The following CTTNBP2 variants were observed in gnomAD, a reference collection of about 807,000 sequenced individuals.
The protein encoded by CTTNBP2 is cortactin binding protein 2, also known as cortactin-binding protein 2.
Under a neutral mutation model 156.9 loss-of-function variants are expected in CTTNBP2, and 108 were observed. The ratio of observed to expected loss-of-function variants is 0.69; its 90% CI spans 0.59 to 0.81. The LOEUF (loss-of-function observed/expected upper bound fraction) is 0.81. Ranked by LOEUF, CTTNBP2 falls within the 30% of genes least tolerant of loss-of-function variation. The probability of loss-of-function intolerance (pLI) is 0.00; values close to 1 mark genes in which losing one functional copy is unlikely to be tolerated. For synonymous variants in CTTNBP2, 767 were observed against 751.8 expected (o/e 1.02, Z -0.33); for missense variants, 1,924 against 2,035.4 (o/e 0.95, Z 1.05).
chr7:117,808,844 CTT>C (rs1563028605), intron 3 of CTTNBP2, among the ~76,000 whole-genome samples: 2 of 152,086 alleles, frequency 1.3e-5, no homozygotes, highest in Non-Finnish European at 2.9e-5. Flanking sequence ...AAAGAGATGA[CTT>C]TGGTGTTTCT....
rs145314477 is a variant in CTTNBP2, at chr7:117,762,112, A to G, written c.2897-1402T>C. 9.3e-3 allele frequency among the ~76,000 whole-genome samples: 1,414 copies of G among 152,084 alleles called. 11 individuals are homozygous for G. The highest frequency in any genetic ancestry group is 0.017 in the Admixed American group (260 of 15,280). On this transcript the variant is annotated intron_variant, in intron 9 of 22. Transcript: ENST00000160373. ...TCCACCTTTTCCAGACTTCTTAATGATAGTGTGTTTTGGGGCTCCTTTCTC... is the reference window on the plus strand; with the variant it reads ...TCCACCTTTTCCAGACTTCTTAATGGTAGTGTGTTTTGGGGCTCCTTTCTC...
intron 3 of CTTNBP2, among the ~76,000 whole-genome samples, chr7:117,801,487 C>G (rs572868944): frequency 3.9e-5 from 6 of 152,288 alleles, no homozygotes; most frequent in African/African-American, 1.4e-4. Flanking sequence ...AACGCAATGC[C>G]TGATCTTGAA....
chr7:117,868,087 C>T (rs1203977720), intron 1 of CTTNBP2, among the ~76,000 whole-genome samples: 2 of 152,170 alleles, frequency 1.3e-5, no homozygotes, highest in African/African-American at 4.8e-5. Context: ...AAAAGGACTA[C>T]ATCTCAAATA....
At chr7:117,851,418 G>A (rs1405992643) in intron 2 of CTTNBP2, among the ~76,000 whole-genome samples, 1 of 151,966 alleles carries the variant, frequency 6.6e-6, no homozygotes, top group African/African-American at 2.4e-5. Flanking sequence ...TACATTTAGA[G>A]CCATCACCCA....
intron 8 of CTTNBP2, among the ~76,000 whole-genome samples, chr7:117,777,159 T>C (rs755144180): frequency 2.6e-5 from 4 of 152,204 alleles, no homozygotes; most frequent in Admixed American, 6.5e-5. Flanking sequence ...GTGTGAATCC[T>C]GACCCTGCCT....
At chr7:117,869,479 C>T (rs1162362639) in intron 1 of CTTNBP2, among the ~76,000 whole-genome samples, 2 of 152,202 alleles carry the variant, frequency 1.3e-5, no homozygotes, top group African/African-American at 2.4e-5. Context: ...TTACAAACTT[C>T]ACACAACTCT....
intron 14 of CTTNBP2, among the ~76,000 whole-genome samples, chr7:117,743,835 A>G (rs972666867): frequency 1.6e-4 from 24 of 151,560 alleles, no homozygotes; most frequent in African/African-American, 4.6e-4. Context: ...GTTAGCTACA[A>G]TTAGTAACAT....
chr7:117,864,688 T>G (rs149864664), intron 1 of CTTNBP2, among the ~76,000 whole-genome samples: 152 of 83,998 alleles, frequency 1.8e-3, no homozygotes, highest in South Asian at 4.1e-3. Context: ...TTATATATAT[T>G]CATATATATT....
intron 14 of CTTNBP2, among the ~76,000 whole-genome samples, chr7:117,742,443 G>A (rs182275724): frequency 2.9e-4 from 44 of 152,288 alleles, no homozygotes; most frequent in African/African-American, 1.1e-3. Context: ...AGAATAGAAG[G>A]CCTTGAACAG....
In CTTNBP2 at chr7:117,839,953, AT is replaced by A. The variant is rs1372246921; in HGVS notation, c.189+21255del. On this transcript the variant is annotated intron_variant, in intron 2 of 22. Coordinates refer to ENST00000160373, the MANE Select transcript of CTTNBP2 (RefSeq NM_033427.3). ...ACATAAATATCTAAAGACTGAAATT[AT>A]TTTCCTGATTTTGAAAGATTCACTA... 3.3e-5 allele frequency among the ~76,000 whole-genome samples: 5 copies of A among 152,308 alleles called. No individual in the cohort carries two copies. In the East Asian group the frequency reaches 9.6e-4, roughly 29 times the overall value.
At chr7:117,778,257 A>C (rs1224441282) in intron 7 of CTTNBP2, among the ~76,000 whole-genome samples, 1 of 152,162 alleles carries the variant, frequency 6.6e-6, no homozygotes, top group African/African-American at 2.4e-5. Flanking sequence ...AAAGATCCTA[A>C]ATAATAGGGA....
chr7:117,767,031 T>TAG (rs1562986297), intron 9 of CTTNBP2, 28 bp downstream of exon 9: 1 of 1,224,154 alleles, frequency 8.2e-7, no homozygotes, highest in African/African-American at 1.5e-5. Context: ...AGGGGAAAGA[T>TAG]AAACAATAAG....
At chr7:117,741,339 C>T (rs10278481) in intron 14 of CTTNBP2, among the ~76,000 whole-genome samples, 38,969 of 151,996 alleles carry the variant, frequency 0.26, 5,449 homozygotes, top group African/African-American at 0.32. Flanking sequence ...GCAGTCAAGG[C>T]CTTAGCAGAT....
At chr7:117,736,871 C>T (rs2116498941) in intron 14 of CTTNBP2, among the ~76,000 whole-genome samples, 1 of 152,254 alleles carries the variant, frequency 6.6e-6, no homozygotes, top group Non-Finnish European at 1.5e-5. Flanking sequence ...TGAAAAGAAA[C>T]CAGTTTAGGA....
intron 20 of CTTNBP2, 58 bp downstream of exon 20, chr7:117,721,002 ATAGTAAT>A: frequency 1.0e-6 from 1 of 1,001,784 alleles, no homozygotes; most frequent in Non-Finnish European, 1.6e-6. Context: ...AACATTTAAA[ATAGTAAT>A]TGAAGTTACT....
chr7:117,776,375 T>C (rs1383512993), intron 8 of CTTNBP2, among the ~76,000 whole-genome samples: 1 of 152,234 alleles, frequency 6.6e-6, no homozygotes, highest in Admixed American at 6.5e-5. Flanking sequence ...GTTGATTATT[T>C]TGTTCCTTTG....
chr7:117,823,533 C>T (rs574312708), intron 2 of CTTNBP2, among the ~76,000 whole-genome samples: 6 of 152,254 alleles, frequency 3.9e-5, no homozygotes, highest in African/African-American at 1.4e-4. Flanking sequence ...AATAAAATTG[C>T]TAAAGCAGGT....
intron 19 of CTTNBP2, among the ~76,000 whole-genome samples, chr7:117,723,629 C>T (rs1367868433): frequency 6.6e-6 from 1 of 152,168 alleles, no homozygotes; most frequent in Non-Finnish European, 1.5e-5. Flanking sequence ...AGGCCTAACA[C>T]CAGAAGATAC....
At chr7:117,799,524 A>G (rs921804899) in intron 3 of CTTNBP2, among the ~76,000 whole-genome samples, 1 of 152,058 alleles carries the variant, frequency 6.6e-6, no homozygotes, top group Non-Finnish European at 1.5e-5. Context: ...AAGAGCATCT[A>G]TGAAAAGCAC....
Sources: gnomAD v4.1 joint callset for allele counts (sites outside exome capture counted in the v4.1 genomes callset) on GRCh38, gnomAD v4.1.1 for gene constraint, MANE v1.5 for transcripts, NCBI Gene and HGNC (gene_info 2026-07-23, HGNC 2026-07-21) for gene names.